The following ALPK1 variants were observed in gnomAD, a reference collection of about 807,000 sequenced individuals.
The protein encoded by ALPK1 is alpha kinase 1, also known as alpha-protein kinase 1.
ALPK1 carries 110 observed loss-of-function variants against 120.6 expected under a neutral mutation model. That is an observed-to-expected ratio of 0.91 (90% CI 0.78 to 1.07). The LOEUF (loss-of-function observed/expected upper bound fraction) is 1.07, where lower values mean the gene tolerates loss of function less well. ALPK1 is among the 50% of genes least tolerant of loss of function. The pLI is 0.00. For synonymous variants in ALPK1, 582 were observed against 560.3 expected (o/e 1.04, Z -0.55); for missense variants, 1,498 against 1,483.9 (o/e 1.01, Z -0.16).
chr4:112,382,721 C>T, intron 4 of ALPK1, 169 bp downstream of exon 4: 2 of 950,454 alleles, frequency 2.1e-6, no homozygotes, highest in Non-Finnish European at 3.1e-6. Context: ...AAAAACATTA[C>T]TTGCCCATAA....
At chr4:112,301,051 A>G (rs937880603) in intron 1 of ALPK1, among the ~76,000 whole-genome samples, 1 of 152,120 alleles carries the variant, frequency 6.6e-6, no homozygotes, top group African/African-American at 2.4e-5. Flanking sequence ...CAAAAAAAAA[A>G]TTTAGAACCT....
intron 2 of ALPK1, among the ~76,000 whole-genome samples, chr4:112,362,217 A>T (rs1367744409): frequency 6.6e-6 from 1 of 152,254 alleles, no homozygotes; most frequent in African/African-American, 2.4e-5. Context: ...GCTCACCAGC[A>T]ATGGATCCAA....
In ALPK1 at chr4:112,349,449, C is replaced by T. The variant is rs541425317; in HGVS notation, c.-100-28229C>T. Among the ~76,000 whole-genome samples, 47 of 152,162 alleles carry T rather than the reference C, an allele frequency of 3.1e-4. No individual in the cohort carries two copies. The Middle Eastern group carries it at 0.01, about 33-fold the overall frequency. On this transcript the variant is annotated intron_variant, in intron 2 of 15. Transcript: ENST00000650871. The stretch of plus-strand genomic sequence containing the variant: ...AGCAATAATTGATACCTATGAAGCA[C>T]TCACTATGTGCTAGGCAATTTTTTT...
intron 2 of ALPK1, among the ~76,000 whole-genome samples, chr4:112,361,357 T>C (rs778543047): frequency 9.9e-5 from 15 of 152,142 alleles, no homozygotes; most frequent in East Asian, 1.9e-4. Context: ...CCTGGTGCTG[T>C]TGGGGGGAGG....
At chr4:112,376,636 A>C (rs934693846) in intron 2 of ALPK1, among the ~76,000 whole-genome samples, 1 of 152,244 alleles carries the variant, frequency 6.6e-6, no homozygotes, top group African/African-American at 2.4e-5. Flanking sequence ...ATTTAATCCC[A>C]ACACCAACAC....
chr4:112,375,056 C>T (rs1731589055), intron 2 of ALPK1, among the ~76,000 whole-genome samples: 1 of 152,180 alleles, frequency 6.6e-6, no homozygotes, highest in African/African-American at 2.4e-5. Context: ...GCTTTGAAGC[C>T]AGGCATTGAC....
rs757823866 is a variant in ALPK1 at position 112,432,515 on chromosome 4, G to T, written c.2968G>T (p.Asp990Tyr). Residue 990 changes from aspartate to tyrosine, a missense_variant, in exon 11 of 16, where the codon GAT becomes TAT. Transcript: ENST00000650871. The part of the protein sequence containing the change: ...FEKLLAGVRH[D>Y]WLFQRLENTG... ...AAAGCTGTTGGCAGGAGTGAGGCAT[G>T]ATTGGCTGTTTCAGAGACTAGAGAA... 3 of 1,614,182 alleles carry T rather than the reference G, an allele frequency of 1.9e-6. No homozygotes were observed. Among genetic ancestry groups the T allele is most frequent in the Middle Eastern group, 1.6e-4 (1 of 6,062 alleles).
At chr4:112,363,792 A>C (rs951700846) in intron 2 of ALPK1, among the ~76,000 whole-genome samples, 2 of 152,224 alleles carry the variant, frequency 1.3e-5, no homozygotes, top group Non-Finnish European at 2.9e-5. Context: ...TTTCTCCAAG[A>C]TAGGCCATAT....
intron 2 of ALPK1, among the ~76,000 whole-genome samples, chr4:112,344,911 A>G (rs1730039709): frequency 6.6e-6 from 1 of 152,220 alleles, no homozygotes; most frequent in Non-Finnish European, 1.5e-5. Context: ...TTAAAATGTT[A>G]GTTAATTTGG....
intron 1 of ALPK1, among the ~76,000 whole-genome samples, chr4:112,314,280 A>G (rs936617596): frequency 6.6e-6 from 1 of 152,216 alleles, no homozygotes; most frequent in Non-Finnish European, 1.5e-5. Context: ...ATAGTCACCT[A>G]AGTGAGCAGA....
At chr4:112,395,674 G>A (rs972004844) in intron 4 of ALPK1, among the ~76,000 whole-genome samples, 4 of 152,190 alleles carry the variant, frequency 2.6e-5, no homozygotes, top group African/African-American at 7.2e-5. Context: ...TTTTGTTCAT[G>A]TTAAAATTGT....
At chr4:112,322,729 T>C (rs1052969414) in intron 2 of ALPK1, among the ~76,000 whole-genome samples, 1 of 152,114 alleles carries the variant, frequency 6.6e-6, no homozygotes, top group Non-Finnish European at 1.5e-5. Flanking sequence ...GAGTTTGGCC[T>C]CAAATCAAAA....
At chr4:112,433,000 T>A (rs1397725859) in intron 11 of ALPK1, among the ~76,000 whole-genome samples, 2 of 152,216 alleles carry the variant, frequency 1.3e-5, no homozygotes, top group African/African-American at 4.8e-5. Flanking sequence ...ATCTATCTTC[T>A]CCTTCGAGTC....
chr4:112,357,731 T>C (rs6533609), intron 2 of ALPK1: 1,231,723 of 1,429,202 alleles, frequency 0.86, 531,398 homozygotes, highest in African/African-American at 0.91. Flanking sequence ...AAGGAGTGCT[T>C]GTCCTCTTTG....
chr4:112,425,623 A>C, intron 6 of ALPK1, 42 bp from the exon 7 acceptor site: 1 of 1,525,634 alleles, frequency 6.6e-7, no homozygotes, highest in South Asian at 1.1e-5. Flanking sequence ...TTGCAAGGCT[A>C]TATCTCTGAT....
At chr4:112,437,987 C>T (rs577737642) in intron 12 of ALPK1, among the ~76,000 whole-genome samples, 2 of 152,298 alleles carry the variant, frequency 1.3e-5, no homozygotes, top group East Asian at 3.9e-4. Flanking sequence ...CAAATCATGT[C>T]TCACACTTTC....
rs1734126213 is a variant in ALPK1, at chr4:112,424,140, T to A, written c.535+137T>A. 8 of 711,688 alleles carry A rather than the reference T, an allele frequency of 1.1e-5. No homozygotes were observed. The South Asian group carries it at 1.6e-4, about 14-fold the overall frequency. 44.1% of individuals were successfully genotyped at this position (711,688 alleles called of 1,614,324 possible). A position where few individuals can be genotyped will look rare whatever the true frequency, so the allele number is the denominator to read the frequency against. ...TATCTGGGGCTGGCTCTGCCACTGA[T>A]GAATGAAGAAGCTTTGATCAAGCAG... On this transcript the variant is annotated intron_variant, in intron 6 of 15. Coordinates refer to ENST00000650871, the MANE Select transcript of ALPK1 (RefSeq NM_025144.4).
At chr4:112,367,031 C>A (rs958678441) in intron 2 of ALPK1, among the ~76,000 whole-genome samples, 1 of 152,246 alleles carries the variant, frequency 6.6e-6, no homozygotes, top group Middle Eastern at 3.4e-3. Context: ...CTACAGTGGA[C>A]TTTGAGGACT....
chr4:112,322,531 A>G (rs1293455373), intron 2 of ALPK1, among the ~76,000 whole-genome samples: 1 of 152,228 alleles, frequency 6.6e-6, no homozygotes, highest in African/African-American at 2.4e-5. Context: ...AGCACCTACT[A>G]TGTGCTAGGA....
Sources: allele counts gnomAD v4.1 joint callset (sites outside exome capture counted in the v4.1 genomes callset), GRCh38; gene constraint gnomAD v4.1.1; transcripts MANE v1.5; gene names NCBI Gene and HGNC (gene_info 2026-07-23, HGNC 2026-07-21).